The following SLC32A1 variants were observed in gnomAD, a reference collection of about 807,000 sequenced individuals.
SLC32A1 encodes solute carrier family 32 member 1.
In SLC32A1, 8 loss-of-function variants were observed where a neutral mutation model predicts 35.5. That is an observed-to-expected ratio of 0.23 (90% CI 0.13 to 0.41). The LOEUF (loss-of-function observed/expected upper bound fraction) is 0.41. SLC32A1 is among the 10% of genes least tolerant of loss of function. SLC32A1 has a pLI of 1.00. For synonymous variants in SLC32A1, 317 were observed against 326.3 expected (o/e 0.97, Z 0.31); for missense variants, 493 against 722.3 (o/e 0.68, Z 3.64).
rs1404044866 is a variant in SLC32A1 at position 38,726,318 on chromosome 20, C to A, written c.391-1134C>A. Among the ~76,000 whole-genome samples, 2 of 152,196 alleles carry A rather than the reference C, an allele frequency of 1.3e-5. No homozygotes were observed. The highest frequency in any genetic ancestry group is 6.5e-5 in the Admixed American group (1 of 15,286). On this transcript the variant is annotated intron_variant, in intron 1 of 1. Transcript: ENST00000217420. This position sits in a 1 kb window ranked among gnomAD's most constrained non-coding sequence, Gnocchi z 4.7. ...TGTATCGGGGTAAGCAGGACTCCAC[C>A]GGGCCCCGAACACCAGATGGCCCGA...
intron 1 of SLC32A1, 89 bp from the exon 2 acceptor site, chr20:38,727,363 G>A: frequency 7.8e-7 from 1 of 1,278,792 alleles, no homozygotes; most frequent in Non-Finnish European, 1.1e-6. Context: ...GCCCCCTTCG[G>A]GCCACAGCGT....
chr20:38,727,692 A>G lies in SLC32A1; in HGVS notation c.631A>G (p.Ile211Val). The G allele has an allele frequency of 6.2e-7, 1 of 1,614,206 alleles. No homozygotes were observed. Among genetic ancestry groups the G allele is most frequent in the Non-Finnish European group, 8.5e-7 (1 of 1,180,040 alleles). ...CGGCCGAGTGGTGAACGTAGCGCAG[A>G]TCATCGAGCTGGTGATGACGTGCAT... is the stretch of plus-strand genomic sequence containing the variant. ...LGGRVVNVAQIIELVMTCILY... is the reference protein window; with the variant it reads ...LGGRVVNVAQVIELVMTCILY... The change falls in exon 2 of 2, where the codon ATC becomes GTC. Residue 211 changes from isoleucine (I) to valine (V), a missense_variant. Physicochemically the swap from Ile to Val is conservative, Grantham distance 29. Coordinates refer to ENST00000217420, the MANE Select transcript of SLC32A1 (RefSeq NM_080552.3).
Position 38,727,964 on chromosome 20 carries a change from C to T in SLC32A1, c.903C>T (p.Ile301=). The stretch of plus-strand genomic sequence containing the variant: ...CCTGGGAGAAGGTCAAGTTCTACAT[C>T]GACGTCAAGAAGTTCCCCATCTCCA... ...DWAWEKVKFY[I]DVKKFPISIG... is the part of the protein sequence containing the mutation. Residue 301 remains isoleucine (I), a synonymous_variant, in exon 2 of 2, where the codon ATC becomes ATT. Transcript: ENST00000217420. 6.2e-7 allele frequency: 1 copy of T among 1,614,140 alleles called. No homozygotes were observed. Among genetic ancestry groups the T allele is most frequent in the Non-Finnish European group, 8.5e-7 (1 of 1,180,046 alleles).
In SLC32A1 at chr20:38,727,717, T is replaced by C. The variant is rs1323625630; in HGVS notation, c.656T>C (p.Ile219Thr). 3.1e-6 allele frequency: 5 copies of C among 1,614,154 alleles called. No individual in the cohort carries two copies. The highest frequency in any genetic ancestry group is 4.2e-6 in the Non-Finnish European group (5 of 1,180,032). The change falls in exon 2 of 2, where the codon ATC (isoleucine) becomes ACC (threonine). Residue 219 changes from isoleucine to threonine, a missense_variant. Physicochemically the swap from Ile to Thr is moderately conservative, Grantham distance 89. Transcript: ENST00000217420. ...ATCATCGAGCTGGTGATGACGTGCA[T>C]CCTGTACGTGGTGGTGAGTGGCAAC... is the stretch of plus-strand genomic sequence containing the variant. ...AQIIELVMTC[I>T]LYVVVSGNLM...
intron 1 of SLC32A1, 28 bp from the exon 2 acceptor site, chr20:38,727,424 C>G (rs571015734): frequency 1.9e-6 from 3 of 1,593,468 alleles, no homozygotes; most frequent in Middle Eastern, 1.7e-4. Flanking sequence ...GCTGAGCGTC[C>G]GCGTCTGGTT....
rs2084282961 is a variant in SLC32A1, at chr20:38,727,752, A to C, written c.691A>C (p.Asn231His). ...GGTGGTGAGTGGCAACCTCATGTAC[A>C]ACAGCTTCCCGGGGCTGCCCGTGTC... ...YVVVSGNLMY[N>H]SFPGLPVSQK... The change falls in exon 2 of 2, where the codon AAC (asparagine) becomes CAC (histidine). Residue 231 changes from asparagine to histidine, a missense_variant. Coordinates refer to ENST00000217420, the MANE Select transcript of SLC32A1 (RefSeq NM_080552.3). 3.7e-6 allele frequency: 6 copies of C among 1,614,054 alleles called. No homozygotes were observed. Among genetic ancestry groups the C allele is most frequent in the African/African-American group, 1.3e-5 (1 of 74,942 alleles).
At position 38,725,096 on chromosome 20, in the gene SLC32A1, C is replaced by T. The variant is rs1024563365; in HGVS notation, c.372C>T (p.Asn124=). The change falls in exon 1 of 2, where the codon AAC becomes AAT. Residue 124 remains asparagine, a synonymous_variant. Transcript: ENST00000217420. ...PKITAWEAGW[N]VTNAIQGMFV... The stretch of plus-strand genomic sequence containing the variant: ...TCACGGCGTGGGAGGCAGGCTGGAA[C>T]GTGACCAACGCCATCCAGGTAAGCG... 7 of 1,515,268 alleles carry T rather than the reference C, an allele frequency of 4.6e-6. No homozygotes were observed. Among genetic ancestry groups the T allele is most frequent in the African/African-American group, 4.2e-5 (3 of 71,526 alleles). 93.9% of individuals were successfully genotyped at this position (1,515,268 alleles called of 1,614,324 possible). A position where few individuals can be genotyped will look rare whatever the true frequency, so the allele number is the denominator to read the frequency against.
rs1219473052 is a variant in SLC32A1 at position 38,728,791 on chromosome 20, G to A, written c.*152G>A. The A allele has an allele frequency of 3.3e-6, 2 of 611,718 alleles. No homozygotes were observed. The highest frequency in any genetic ancestry group is 5.6e-6 in the Non-Finnish European group (2 of 355,082). 37.9% of individuals were successfully genotyped at this position (611,718 alleles called of 1,614,324 possible). A position where few individuals can be genotyped will look rare whatever the true frequency, so the allele number is the denominator to read the frequency against. On this transcript the variant is annotated 3_prime_UTR_variant, in exon 2 of 2. Coordinates refer to ENST00000217420, the MANE Select transcript of SLC32A1 (RefSeq NM_080552.3). ...GTTTCTGATTATTCGGGGATGGGGG[G>A]GATGGGAGGGGACAGGGATTCACGA...
Position 38,727,580 on chromosome 20 carries a change from G to A in SLC32A1, c.519G>A (p.Glu173=), listed in dbSNP as rs1302059218. ...GKILIACLYE[E]NEDGEVVRVR... ...TCCTCATCGCGTGCCTGTACGAGGAGAATGAAGACGGCGAGGTGGTGCGCG... is the reference window on the plus strand; with the variant it reads ...TCCTCATCGCGTGCCTGTACGAGGAAAATGAAGACGGCGAGGTGGTGCGCG... The change falls in exon 2 of 2, where the codon GAG becomes GAA. Residue 173 remains glutamate (E), a synonymous_variant. Coordinates refer to ENST00000217420, the MANE Select transcript of SLC32A1 (RefSeq NM_080552.3). The A allele has an allele frequency of 6.2e-7, 1 of 1,611,464 alleles. No individual in the cohort carries two copies. Among genetic ancestry groups the A allele is most frequent in the East Asian group, 2.2e-5 (1 of 44,894 alleles).
At chr20:38,725,709 A>G (rs1050133852) in intron 1 of SLC32A1, among the ~76,000 whole-genome samples, 2 of 152,170 alleles carry the variant, frequency 1.3e-5, no homozygotes, top group African/African-American at 4.8e-5. Context: ...CAGCTCCACA[A>G]ACAAAAGCAT....
chr20:38,727,445 C>G lies in SLC32A1; in HGVS notation c.391-7C>G, dbSNP rs1205286273. On this transcript the variant is annotated splice_region_variant and splice_polypyrimidine_tract_variant and intron_variant, in intron 1 of 1. Transcript: ENST00000217420. The stretch of plus-strand genomic sequence containing the variant: ...CGTCCGCGTCTGGTTGCCTCTCCGC[C>G]CCACAGGGCATGTTCGTGCTGGGCC... The G allele has an allele frequency of 1.2e-6, 2 of 1,601,622 alleles. No homozygotes were observed. Among genetic ancestry groups the G allele is most frequent in the Non-Finnish European group, 1.7e-6 (2 of 1,174,504 alleles).
In SLC32A1 at chr20:38,724,657, C is replaced by T; in HGVS notation, c.-68C>T. Reference sequence around the variant, plus strand: ...TAGCGACTTTGCGCCCCCCAGCCCTCGCCTTCTTGCATCGCGTTCCCCGCA... The same window carrying T: ...TAGCGACTTTGCGCCCCCCAGCCCTTGCCTTCTTGCATCGCGTTCCCCGCA... On this transcript the variant is annotated 5_prime_UTR_variant, in exon 1 of 2. Coordinates refer to ENST00000217420, the MANE Select transcript of SLC32A1 (RefSeq NM_080552.3). The T allele has an allele frequency of 2.6e-6, 4 of 1,525,442 alleles. No homozygotes were observed. The highest frequency in any genetic ancestry group is 2.5e-5 in the South Asian group (2 of 78,660). The allele number at this position is 1,525,442 out of a possible 1,614,324, so 94.5% of individuals were successfully genotyped here. A position where few individuals can be genotyped will look rare whatever the true frequency, so the allele number is the denominator to read the frequency against.
In SLC32A1 at chr20:38,727,595, G is replaced by A. The variant is rs1269834838; in HGVS notation, c.534G>A (p.Glu178=). ...TGTACGAGGAGAATGAAGACGGCGAGGTGGTGCGCGTGCGGGACTCGTACG... is the reference window on the plus strand; with the variant it reads ...TGTACGAGGAGAATGAAGACGGCGAAGTGGTGCGCGTGCGGGACTCGTACG... ...ACLYEENEDG[E]VVRVRDSYVA... is the part of the protein sequence containing the mutation. Residue 178 remains glutamate, a synonymous_variant, in exon 2 of 2, where the codon GAG becomes GAA. Transcript: ENST00000217420. 1 of 1,612,466 alleles carries A rather than the reference G, an allele frequency of 6.2e-7. No homozygotes were observed. Among genetic ancestry groups the A allele is most frequent in the East Asian group, 2.2e-5 (1 of 44,890 alleles).
Position 38,727,787 on chromosome 20 carries a change from C to G in SLC32A1, c.726C>G (p.Ser242=). Reference sequence around the variant, plus strand: ...CGGGGCTGCCCGTGTCGCAGAAGTCCTGGTCCATTATCGCCACGGCCGTGC... The same window carrying G: ...CGGGGCTGCCCGTGTCGCAGAAGTCGTGGTCCATTATCGCCACGGCCGTGC... The part of the protein sequence containing the change: ...SFPGLPVSQK[S]WSIIATAVLL... Residue 242 remains serine, a synonymous_variant, in exon 2 of 2, where the codon TCC becomes TCG. Transcript: ENST00000217420. The G allele has an allele frequency of 6.2e-7, 1 of 1,614,222 alleles. No individual in the cohort carries two copies. The highest frequency in any genetic ancestry group is 8.5e-7 in the Non-Finnish European group (1 of 1,180,048).
intron 1 of SLC32A1, among the ~76,000 whole-genome samples, chr20:38,725,575 G>C (rs1436723133): frequency 6.6e-6 from 1 of 152,052 alleles, no homozygotes; most frequent in African/African-American, 2.4e-5. Context: ...CACGTATATA[G>C]GCAGGCACAC....
chr20:38,727,537 G>C lies in SLC32A1; in HGVS notation c.476G>C (p.Cys159Ser). Residue 159 changes from cysteine (C) to serine (S), a missense_variant, in exon 2 of 2, where the codon TGC becomes TCC. Transcript: ENST00000217420. ...LFLIIFAAVV[C>S]CYTGKILIAC... is the part of the protein sequence containing the mutation. The stretch of plus-strand genomic sequence containing the variant: ...CTCATCATCTTCGCCGCCGTTGTGT[G>C]CTGCTACACCGGCAAGATCCTCATC... 6.2e-7 allele frequency: 1 copy of C among 1,609,378 alleles called. No homozygotes were observed. The highest frequency in any genetic ancestry group is 8.5e-7 in the Non-Finnish European group (1 of 1,180,018).
chr20:38,728,382 G>A lies in SLC32A1; in HGVS notation c.1321G>A (p.Val441Ile), dbSNP rs777043497. 1 of 1,610,932 alleles carries A rather than the reference G, an allele frequency of 6.2e-7. No homozygotes were observed. The highest frequency in any genetic ancestry group is 8.5e-7 in the Non-Finnish European group (1 of 1,178,902). ...WGLTLRCALV[V>I]FTLLMAIYVP... ...GCTGACGCTGCGCTGCGCGCTCGTC[G>A]TCTTCACGCTGCTCATGGCCATTTA... The change falls in exon 2 of 2, where the codon GTC (valine) becomes ATC (isoleucine). Residue 441 changes from valine to isoleucine, a missense_variant. Val to Ile is a conservative substitution (Grantham distance 29, BLOSUM62 3). Transcript: ENST00000217420.
chr20:38,728,883 G>A lies in SLC32A1; in HGVS notation c.*244G>A, dbSNP rs1380373613. ...CACCCTGGTTTTGGGGGGAGGCGGG[G>A]TGCATTTGCGGGCAGGGTTCTCTGT... is the stretch of plus-strand genomic sequence containing the variant. On this transcript the variant is annotated 3_prime_UTR_variant, in exon 2 of 2. Coordinates refer to ENST00000217420, the MANE Select transcript of SLC32A1 (RefSeq NM_080552.3). 4.0e-6 allele frequency: 2 copies of A among 506,080 alleles called. No individual in the cohort carries two copies. The highest frequency in any genetic ancestry group is 6.4e-5 in the East Asian group (2 of 31,446). 31.3% of individuals were successfully genotyped at this position (506,080 alleles called of 1,614,324 possible).
chr20:38,727,416 T>A, intron 1 of SLC32A1, 36 bp from the exon 2 acceptor site: 1 of 1,588,766 alleles, frequency 6.3e-7, no homozygotes, highest in South Asian at 1.1e-5. Context: ...CCAAGTTCGC[T>A]GAGCGTCCGC....
Sources: allele counts gnomAD v4.1 joint callset (sites outside exome capture counted in the v4.1 genomes callset), GRCh38; gene constraint gnomAD v4.1.1; non-coding constraint Gnocchi (gnomAD v3.1); transcripts MANE v1.5; gene names NCBI Gene and HGNC (gene_info 2026-07-23, HGNC 2026-07-21).